Variants in SP3 observed in about 807,000 individuals in gnomAD.
SP3 encodes the protein transcription factor Sp3.
In SP3, 10 loss-of-function variants were observed where a neutral mutation model predicts 70.3. The ratio of observed to expected loss-of-function variants is 0.14; its 90% CI spans 0.09 to 0.24. The LOEUF is 0.24. SP3 is among the 10% of genes least tolerant of loss of function. The pLI is 1.00. For synonymous variants in SP3, 402 were observed against 333.5 expected (o/e 1.21, Z -2.24); for missense variants, 825 against 914.6 (o/e 0.90, Z 1.26).
intron 4 of SP3, among the ~76,000 whole-genome samples, chr2:173,927,953 G>C (rs956362752): frequency 2.0e-5 from 3 of 152,064 alleles, no homozygotes; most frequent in Admixed American, 6.6e-5. Context: ...GTATCAAATA[G>C]GCCCTAGAAC....
intron 3 of SP3, chr2:173,963,205 T>G (rs1432718073): frequency 6.6e-6 from 1 of 152,206 alleles, no homozygotes; most frequent in Non-Finnish European, 1.5e-5. Flanking sequence ...TTTAGTAGTC[T>G]GCAAAAACTA....
chr2:173,956,771 G>A (rs947185038), intron 3 of SP3, among the ~76,000 whole-genome samples: 3 of 152,126 alleles, frequency 2.0e-5, no homozygotes, highest in African/African-American at 7.2e-5. Flanking sequence ...ATGAACTAAT[G>A]AAAAACAAAG....
At chr2:173,958,319 T>C (rs1043886211) in intron 3 of SP3, among the ~76,000 whole-genome samples, 1 of 150,080 alleles carries the variant, frequency 6.7e-6, no homozygotes, top group African/African-American at 2.4e-5. Flanking sequence ...TATTCAACCA[T>C]CACTGAACAG....
intron 3 of SP3, among the ~76,000 whole-genome samples, chr2:173,961,314 T>C (rs1691067329): frequency 6.6e-6 from 1 of 152,208 alleles, no homozygotes; most frequent in South Asian, 2.1e-4. Flanking sequence ...AATCCAAATA[T>C]TAAAAGCAAT....
At chr2:173,935,026 G>C (rs1267909176) in intron 4 of SP3, among the ~76,000 whole-genome samples, 3 of 152,186 alleles carry the variant, frequency 2.0e-5, no homozygotes, top group African/African-American at 7.2e-5. Flanking sequence ...TAAGTGTACT[G>C]ATATGTCGAC....
chr2:173,952,834 G>A (rs75068875), intron 4 of SP3, among the ~76,000 whole-genome samples: 3,225 of 152,308 alleles, frequency 0.021, 128 homozygotes, highest in African/African-American at 0.074. Flanking sequence ...ACACTGATAC[G>A]AAATAACTGG....
chr2:173,959,922 TAAC>T (rs1454830802), intron 3 of SP3, among the ~76,000 whole-genome samples: 6 of 152,210 alleles, frequency 3.9e-5, no homozygotes, highest in Non-Finnish European at 8.8e-5. Flanking sequence ...ACCGGACAAT[TAAC>T]AAACAAAACC....
rs185377865 is a variant in SP3, at chr2:173,908,393, T to G, written c.*1548A>C. On this transcript the variant is annotated 3_prime_UTR_variant, in exon 7 of 7. Transcript: ENST00000310015. ...GACCAGTGTCTCTATATATCTCTTC[T>G]TCAAATAAATGCCTGTTTACAATTC... 1 of 152,472 alleles carries G rather than the reference T, an allele frequency of 6.6e-6. No homozygotes were observed. Among genetic ancestry groups the G allele is most frequent in the African/African-American group, 2.4e-5 (1 of 41,426 alleles). The allele number at this position is 152,472 out of a possible 1,614,324, so 9.4% of individuals were successfully genotyped here. A position where few individuals can be genotyped will look rare whatever the true frequency, so the allele number is the denominator to read the frequency against.
In SP3 at chr2:173,909,904, T is replaced by C. The variant is rs568181781; in HGVS notation, c.*37A>G. 5.7e-6 allele frequency: 9 copies of C among 1,590,216 alleles called. No individual in the cohort carries two copies. The highest frequency in any genetic ancestry group is 1.7e-4 in the Middle Eastern group (1 of 5,962). On this transcript the variant is annotated 3_prime_UTR_variant, in exon 7 of 7. Transcript: ENST00000310015. Reference sequence around the variant, plus strand: ...GAACAATATTCTTCTCACTACTGTATAAAAATAACCACAATGAATAAGTAT... The same window carrying C: ...GAACAATATTCTTCTCACTACTGTACAAAAATAACCACAATGAATAAGTAT...
chr2:173,917,033 C>G (rs983128405), intron 5 of SP3, among the ~76,000 whole-genome samples: 1 of 151,958 alleles, frequency 6.6e-6, no homozygotes, highest in Non-Finnish European at 1.5e-5. Context: ...AAAGGACAAA[C>G]ACAAACACAT....
chr2:173,964,799 C>T (rs542004754), intron 1 of SP3: 26 of 459,502 alleles, frequency 5.7e-5, no homozygotes, highest in Non-Finnish European at 8.8e-5. Context: ...CCCCGCGCTG[C>T]CCCTGCCCCC....
rs1691257227 is a variant in SP3, at chr2:173,965,243, C to T, written c.-72G>A. ...TGGTGAGGAGCGAAGGCGGCGGCGG[C>T]GGGAGAGGATGCGGGAAGCGGCGGC... On this transcript the variant is annotated 5_prime_UTR_variant, in exon 1 of 7. Transcript: ENST00000310015. 1 of 1,518,996 alleles carries T rather than the reference C, an allele frequency of 6.6e-7. No homozygotes were observed. The highest frequency in any genetic ancestry group is 2.5e-5 in the East Asian group (1 of 40,192). The allele number at this position is 1,518,996 out of a possible 1,614,324, so 94.1% of individuals were successfully genotyped here.
rs1327489337 is a variant in SP3, at chr2:173,910,035, A to C, written c.2252T>G (p.Val751Gly). 6.2e-7 allele frequency: 1 copy of C among 1,613,842 alleles called. No individual in the cohort carries two copies. Reference protein sequence around the residue: ...QQGSVSGIGTVNTSATSNQDI... With the variant: ...QQGSVSGIGTGNTSATSNQDI... Reference sequence around the variant, plus strand: ...TTGATTGCTGGTGGCGGAAGTATTAACAGTTCCTATCCCTGAAACAGAACC... The same window carrying C: ...TTGATTGCTGGTGGCGGAAGTATTACCAGTTCCTATCCCTGAAACAGAACC... The change falls in exon 7 of 7, where the codon GTT becomes GGT. Residue 751 changes from valine (V) to glycine (G), a missense_variant. Coordinates refer to ENST00000310015, the MANE Select transcript of SP3 (RefSeq NM_003111.5).
rs1283032100 is a variant in SP3 at position 173,909,836 on chromosome 2, C to T, written c.*105G>A. ...ATGTATAACCAAGTTACTGTCAATC[C>T]AAAAATTTTTGCACATCAATAAAAA... On this transcript the variant is annotated 3_prime_UTR_variant, in exon 7 of 7. Coordinates refer to ENST00000310015, the MANE Select transcript of SP3 (RefSeq NM_003111.5). The T allele has an allele frequency of 9.2e-7, 1 of 1,084,904 alleles. No individual in the cohort carries two copies. Among genetic ancestry groups the T allele is most frequent in the Non-Finnish European group, 1.3e-6 (1 of 761,508 alleles). 67.2% of individuals were successfully genotyped at this position (1,084,904 alleles called of 1,614,324 possible).
intron 3 of SP3, chr2:173,963,298 A>C (rs1691146201): frequency 6.6e-6 from 1 of 152,070 alleles, no homozygotes; most frequent in Non-Finnish European, 1.5e-5. Flanking sequence ...ATAAACCCTC[A>C]TTTTTTTTAA....
intron 4 of SP3, among the ~76,000 whole-genome samples, chr2:173,930,663 TATA>T (rs1432470618): frequency 6.6e-6 from 1 of 152,352 alleles, no homozygotes; most frequent in Non-Finnish European, 1.5e-5. Context: ...TTAAGTTTTA[TATA>T]ATAATATTGT....
intron 6 of SP3, among the ~76,000 whole-genome samples, chr2:173,911,967 C>T (rs1689497434): frequency 6.6e-6 from 1 of 152,044 alleles, no homozygotes; most frequent in Non-Finnish European, 1.5e-5. Flanking sequence ...TACAGGTACA[C>T]ACCATCCGCC....
In SP3 at chr2:173,907,845, A is replaced by G. The variant is rs1355541053; in HGVS notation, c.*2096T>C. The G allele has an allele frequency of 6.6e-6, 1 of 152,094 alleles. No individual in the cohort carries two copies. The highest frequency in any genetic ancestry group is 1.5e-5 in the Non-Finnish European group (1 of 67,952). The allele number at this position is 152,094 out of a possible 1,614,324, so 9.4% of individuals were successfully genotyped here. A position where few individuals can be genotyped will look rare whatever the true frequency, so the allele number is the denominator to read the frequency against. On this transcript the variant is annotated 3_prime_UTR_variant, in exon 7 of 7. Transcript: ENST00000310015. ...TCTAGTGGTTCCTTTATATTATTCCAAGTAGAACTTCCTATTTTACATCAC... is the reference window on the plus strand; with the variant it reads ...TCTAGTGGTTCCTTTATATTATTCCGAGTAGAACTTCCTATTTTACATCAC...
intron 4 of SP3, among the ~76,000 whole-genome samples, chr2:173,938,174 G>C (rs1333523673): frequency 6.6e-6 from 1 of 152,098 alleles, no homozygotes; most frequent in Non-Finnish European, 1.5e-5. Context: ...AACACAGAAT[G>C]CAACTATCAC....
Sources: allele counts gnomAD v4.1 joint callset (sites outside exome capture counted in the v4.1 genomes callset), GRCh38; gene constraint gnomAD v4.1.1; transcripts MANE v1.5; gene names NCBI Gene and HGNC (gene_info 2026-07-23, HGNC 2026-07-21).